The following GPC5 variants were observed in gnomAD, a reference collection of about 807,000 sequenced individuals.
GPC5 encodes the protein glypican 5.
A neutral mutation model predicts 53.9 loss-of-function variants in GPC5; 47 were observed. That is an observed-to-expected ratio of 0.87 (90% CI 0.69 to 1.11). The LOEUF is 1.11. Among genes scored for constraint, GPC5 ranks in the 50% most tolerant of loss-of-function variants. The probability of loss-of-function intolerance (pLI) is 0.00; values close to 1 mark genes in which losing one functional copy is unlikely to be tolerated. For missense variants in GPC5, 748 were observed against 713.1 expected, an observed-to-expected ratio of 1.05 and a Z score of -0.56; for synonymous variants, 286 against 263.3, an observed-to-expected ratio of 1.09 and a Z score of -0.84.
At chr13:91,845,061 T>C (rs2038832833) in intron 5 of GPC5, among the ~76,000 whole-genome samples, 2 of 152,186 alleles carry the variant, frequency 1.3e-5, no homozygotes, top group African/African-American at 2.4e-5. Flanking sequence ...GGAATTGTCA[T>C]TTTAGGGTAG....
chr13:92,716,101 T>C (rs1178164056), intron 7 of GPC5, among the ~76,000 whole-genome samples: 1 of 152,198 alleles, frequency 6.6e-6, no homozygotes, highest in Non-Finnish European at 1.5e-5. Flanking sequence ...ACCACTGAGA[T>C]CAGTGAACGT....
chr13:92,400,305 T>A (rs988354979), intron 7 of GPC5, among the ~76,000 whole-genome samples: 8 of 152,194 alleles, frequency 5.3e-5, no homozygotes, highest in African/African-American at 1.7e-4. Context: ...GCTCCCTTTT[T>A]GTTAGAATAA....
chr13:92,701,794 T>C (rs1041691675), intron 7 of GPC5, among the ~76,000 whole-genome samples: 1 of 151,994 alleles, frequency 6.6e-6, no homozygotes, highest in Admixed American at 6.6e-5. Context: ...GGCGAATAGA[T>C]GAAAAAGTGA....
intron 7 of GPC5, among the ~76,000 whole-genome samples, chr13:92,741,943 C>T (rs1472867432): frequency 6.6e-6 from 1 of 152,052 alleles, no homozygotes; most frequent in Non-Finnish European, 1.5e-5. Flanking sequence ...CATAGTATTC[C>T]ATGGTGTATA....
chr13:92,549,290 T>C (rs1882229545), intron 7 of GPC5, among the ~76,000 whole-genome samples: 1 of 152,174 alleles, frequency 6.6e-6, no homozygotes, highest in South Asian at 2.1e-4. Flanking sequence ...TGTGGCTTAA[T>C]TACTTATTTA....
intron 5 of GPC5, among the ~76,000 whole-genome samples, chr13:91,856,980 GA>G (rs1413589991): frequency 4.0e-5 from 6 of 149,154 alleles, no homozygotes. Flanking sequence ...TTTGACTTAT[GA>G]AGTGATTCTA....
chr13:91,579,151 C>A (rs2032252139), intron 2 of GPC5, among the ~76,000 whole-genome samples: 1 of 152,164 alleles, frequency 6.6e-6, no homozygotes, highest in Admixed American at 6.5e-5. Context: ...TTGTGACATT[C>A]CATGATAATT....
chr13:92,648,422 T>C (rs1191050272), intron 7 of GPC5, among the ~76,000 whole-genome samples: 1 of 95,048 alleles, frequency 1.1e-5, no homozygotes, highest in Non-Finnish European at 3.4e-5. Context: ...TGATATTCAA[T>C]ATTAGGCATA....
At chr13:91,699,153 C>A (rs2035943960) in intron 3 of GPC5, among the ~76,000 whole-genome samples, 1 of 152,112 alleles carries the variant, frequency 6.6e-6, no homozygotes, top group Non-Finnish European at 1.5e-5. Context: ...TGACTCAGAT[C>A]AGAATGTATA....
chr13:91,844,547 A>C (rs746245970), intron 5 of GPC5, among the ~76,000 whole-genome samples: 1 of 152,124 alleles, frequency 6.6e-6, no homozygotes, highest in Admixed American at 6.5e-5. Context: ...GCTATGAACA[A>C]ACTCTGCAGT....
At chr13:92,814,856 G>A (rs11843622) in intron 7 of GPC5, among the ~76,000 whole-genome samples, 6 of 151,656 alleles carry the variant, frequency 4.0e-5, no homozygotes, top group African/African-American at 1.2e-4. Flanking sequence ...TTTGATCAAC[G>A]AATTTCTCTA....
intron 7 of GPC5, among the ~76,000 whole-genome samples, chr13:92,417,730 AAAT>A (rs1212582352): frequency 6.6e-6 from 1 of 152,024 alleles, no homozygotes; most frequent in Non-Finnish European, 1.5e-5. Flanking sequence ...GCCCCACAGA[AAAT>A]AAAAAAAATT....
chr13:92,222,156 C>G (rs925588791), intron 7 of GPC5, among the ~76,000 whole-genome samples: 2 of 152,160 alleles, frequency 1.3e-5, no homozygotes, highest in African/African-American at 2.4e-5. Context: ...ATTCTATAAT[C>G]TGTAGGCATC....
At chr13:91,981,942 C>G (rs932370930) in intron 6 of GPC5, among the ~76,000 whole-genome samples, 1 of 152,026 alleles carries the variant, frequency 6.6e-6, no homozygotes, top group Admixed American at 6.5e-5. Flanking sequence ...TGGAACAGAA[C>G]ATATTAGGCA....
At chr13:91,446,443 G>C (rs190463729) in intron 1 of GPC5, among the ~76,000 whole-genome samples, 25 of 152,224 alleles carry the variant, frequency 1.6e-4, no homozygotes, top group African/African-American at 3.6e-4. Flanking sequence ...TTAGAAACAT[G>C]ACTGTCACTC....
At chr13:91,751,728 C>A (rs2037181434) in intron 4 of GPC5, among the ~76,000 whole-genome samples, 1 of 152,216 alleles carries the variant, frequency 6.6e-6, no homozygotes, top group South Asian at 2.1e-4. Flanking sequence ...AAAACCTTAT[C>A]TCCTTCTTTT....
At chr13:91,632,889 G>A (rs1246792343) in intron 2 of GPC5, among the ~76,000 whole-genome samples, 1 of 152,066 alleles carries the variant, frequency 6.6e-6, no homozygotes, top group African/African-American at 2.4e-5. Context: ...AACCCGTGTT[G>A]GAATAGGCCA....
intron 5 of GPC5, among the ~76,000 whole-genome samples, chr13:91,856,318 A>G (rs898505006): frequency 3.3e-5 from 5 of 151,560 alleles, no homozygotes; most frequent in African/African-American, 1.2e-4. Flanking sequence ...TGGGCATTCA[A>G]CTGATCTTGT....
At chr13:92,057,686 C>CT (rs1236848073) in intron 6 of GPC5, among the ~76,000 whole-genome samples, 2 of 152,008 alleles carry the variant, frequency 1.3e-5, no homozygotes, top group Non-Finnish European at 2.9e-5. Context: ...GCTGAAAGCT[C>CT]TAAGTTGGTT....
Sources: gnomAD v4.1 joint callset for allele counts (sites outside exome capture counted in the v4.1 genomes callset) on GRCh38, gnomAD v4.1.1 for gene constraint, MANE v1.5 for transcripts, NCBI Gene and HGNC (gene_info 2026-07-23, HGNC 2026-07-21) for gene names.